The following PTPRM variants were observed in gnomAD, a reference collection of about 807,000 sequenced individuals.
The protein encoded by PTPRM is receptor-type tyrosine-protein phosphatase mu.
Under a neutral mutation model 186.7 loss-of-function variants are expected in PTPRM, and 47 were observed. The observed-to-expected ratio is 0.25, with a 90% CI of 0.20 to 0.32. The LOEUF (loss-of-function observed/expected upper bound fraction) is 0.32. PTPRM is among the 10% of genes least tolerant of loss of function. The pLI is 1.00. For missense variants in PTPRM, 1,494 were observed against 1,865.0 expected, an observed-to-expected ratio of 0.80 and a Z score of 3.66; for synonymous variants, 668 against 674.9, an observed-to-expected ratio of 0.99 and a Z score of 0.16.
At chr18:7,933,301 A>T (rs77197567) in intron 5 of PTPRM, among the ~76,000 whole-genome samples, 493 of 152,178 alleles carry the variant, frequency 3.2e-3, no homozygotes, top group African/African-American at 0.011. Context: ...AAAAAATTGT[A>T]TGCACTGCTT....
intron 19 of PTPRM, among the ~76,000 whole-genome samples, chr18:8,267,556 A>G (rs1053023625): frequency 3.3e-5 from 5 of 152,184 alleles, no homozygotes; most frequent in African/African-American, 7.2e-5. Context: ...ACTTAATATT[A>G]TATCCCAAAT....
rs117245575 is a variant in PTPRM at position 8,320,815 on chromosome 18, T to A, written c.2956+1601T>A. ...CCACTGTCTTTCATCATCTATGACTTGAAGTTGGTAATGGCTCCTTCCAAG... is the reference window on the plus strand; with the variant it reads ...CCACTGTCTTTCATCATCTATGACTAGAAGTTGGTAATGGCTCCTTCCAAG... On this transcript the variant is annotated intron_variant, in intron 22 of 32. Coordinates refer to ENST00000580170, the MANE Select transcript of PTPRM (RefSeq NM_001105244.2). Among the ~76,000 whole-genome samples, 262 of 152,304 alleles carry A rather than the reference T, an allele frequency of 1.7e-3. 1 individual carries two copies. Among genetic ancestry groups the A allele is most frequent in the Admixed American group, 2.7e-3 (42 of 15,304 alleles).
chr18:7,850,132 A>G (rs1201090487), intron 2 of PTPRM, among the ~76,000 whole-genome samples: 1 of 152,216 alleles, frequency 6.6e-6, no homozygotes, highest in Non-Finnish European at 1.5e-5. Flanking sequence ...TCATGTACCA[A>G]TATGTCAGTC....
intron 20 of PTPRM, among the ~76,000 whole-genome samples, chr18:8,305,727 G>A (rs1266318471): frequency 6.6e-6 from 1 of 152,150 alleles, no homozygotes; most frequent in African/African-American, 2.4e-5. Context: ...CATTTCTCCT[G>A]TTTCCTTTTT....
chr18:8,257,917 A>G (rs892939973), intron 19 of PTPRM, among the ~76,000 whole-genome samples: 1 of 152,230 alleles, frequency 6.6e-6, no homozygotes, highest in African/African-American at 2.4e-5. Context: ...AGCCGACAGA[A>G]GTATGTCCGA....
intron 7 of PTPRM, among the ~76,000 whole-genome samples, chr18:8,017,031 T>G (rs2084913687): frequency 6.6e-6 from 1 of 152,240 alleles, no homozygotes; most frequent in African/African-American, 2.4e-5. Context: ...ATACCGATTT[T>G]TTTTCTACAT....
At chr18:8,119,945 G>A (rs1011669235) in intron 13 of PTPRM, among the ~76,000 whole-genome samples, 2 of 151,956 alleles carry the variant, frequency 1.3e-5, no homozygotes, top group African/African-American at 4.8e-5. Context: ...CATTATAAAA[G>A]AGAATATCAC....
chr18:7,790,202 T>C (rs2043274484), intron 2 of PTPRM, among the ~76,000 whole-genome samples: 1 of 152,220 alleles, frequency 6.6e-6, no homozygotes, highest in Admixed American at 6.5e-5. Flanking sequence ...GAGTTCTTAC[T>C]TACTTTTGCA....
Position 7,848,301 on chromosome 18 carries a change from C to G in PTPRM, c.197-39805C>G, listed in dbSNP as rs115610264. 7.9e-3 allele frequency among the ~76,000 whole-genome samples: 1,196 copies of G among 152,258 alleles called. 7 individuals carry two copies. Among genetic ancestry groups the G allele is most frequent in the African/African-American group, 0.027 (1,141 of 41,544 alleles). ...GCCAGGCAGCTGTAAGAGATTTTGT[C>G]TTTCTGTAGTCAAATAAAACAGTAT... is the stretch of plus-strand genomic sequence containing the variant. On this transcript the variant is annotated intron_variant, in intron 2 of 32. Coordinates refer to ENST00000580170, the MANE Select transcript of PTPRM (RefSeq NM_001105244.2).
intron 19 of PTPRM, among the ~76,000 whole-genome samples, chr18:8,281,222 C>T (rs923031958): frequency 1.3e-5 from 2 of 152,218 alleles, no homozygotes; most frequent in Non-Finnish European, 2.9e-5. Flanking sequence ...CTCTCCCTTT[C>T]ATGTTTTAGT....
chr18:7,974,239 T>G (rs1198558208), intron 7 of PTPRM, among the ~76,000 whole-genome samples: 1 of 152,182 alleles, frequency 6.6e-6, no homozygotes, highest in Non-Finnish European at 1.5e-5. Context: ...GTCTAATATT[T>G]TTGAGCATCT....
intron 1 of PTPRM, among the ~76,000 whole-genome samples, chr18:7,654,396 A>T (rs1183511058): frequency 6.6e-6 from 1 of 152,106 alleles, no homozygotes; most frequent in Non-Finnish European, 1.5e-5. Context: ...AGCAGGATAT[A>T]AAAAACCCCA....
intron 1 of PTPRM, among the ~76,000 whole-genome samples, chr18:7,688,971 T>C (rs2039672451): frequency 6.6e-6 from 1 of 152,194 alleles, no homozygotes; most frequent in African/African-American, 2.4e-5. Context: ...AATAGCATAC[T>C]GATCTAGCTT....
At chr18:7,708,023 C>CTACTCAAAA (rs2040132871) in intron 1 of PTPRM, among the ~76,000 whole-genome samples, 2 of 152,186 alleles carry the variant, frequency 1.3e-5, no homozygotes, top group African/African-American at 4.8e-5. Context: ...GCAGAATATG[C>CTACTCAAAA]TACTCAAAAG....
intron 1 of PTPRM, among the ~76,000 whole-genome samples, chr18:7,750,271 G>A (rs906770345): frequency 6.6e-6 from 1 of 151,880 alleles, no homozygotes; most frequent in Non-Finnish European, 1.5e-5. Context: ...TGTTTCATTT[G>A]TTTTAAAAAA....
chr18:8,205,569 T>C (rs990498857), intron 14 of PTPRM, among the ~76,000 whole-genome samples: 9 of 152,218 alleles, frequency 5.9e-5, no homozygotes, highest in African/African-American at 9.6e-5. Flanking sequence ...AATCCACATA[T>C]AGTTATATTT....
chr18:7,993,742 G>T (rs1022305957), intron 7 of PTPRM, among the ~76,000 whole-genome samples: 2 of 152,010 alleles, frequency 1.3e-5, no homozygotes, highest in African/African-American at 4.8e-5. Context: ...ACCTACATCT[G>T]GAAGTGAAAG....
chr18:7,567,459 C>T lies in PTPRM; in HGVS notation c.-360C>T. Reference sequence around the variant, plus strand: ...GCCACGGCCACGGCCACCGCCACGGCCACGGCCGGCAGCTCGGGTCCCGGG... The same window carrying T: ...GCCACGGCCACGGCCACCGCCACGGTCACGGCCGGCAGCTCGGGTCCCGGG... On this transcript the variant is annotated 5_prime_UTR_variant, in exon 1 of 33. Coordinates refer to ENST00000580170, the MANE Select transcript of PTPRM (RefSeq NM_001105244.2). The surrounding 1 kb of genome is among the most constrained non-coding windows in gnomAD (Gnocchi z 4.3). 5.7e-6 allele frequency: 1 copy of T among 174,454 alleles called. No individual in the cohort carries two copies. Among genetic ancestry groups the T allele is most frequent in the Non-Finnish European group, 1.2e-5 (1 of 83,560 alleles). The allele number at this position is 174,454 out of a possible 1,614,324, so 10.8% of individuals were successfully genotyped here.
At chr18:7,722,563 A>G (rs1485197802) in intron 1 of PTPRM, among the ~76,000 whole-genome samples, 3 of 152,334 alleles carry the variant, frequency 2.0e-5, no homozygotes, top group East Asian at 3.9e-4. Context: ...AATTGGATAT[A>G]AAGAAAGCCT....
Sources: allele counts gnomAD v4.1 joint callset (sites outside exome capture counted in the v4.1 genomes callset), GRCh38; gene constraint gnomAD v4.1.1; non-coding constraint Gnocchi (gnomAD v3.1); transcripts MANE v1.5; gene names NCBI Gene and HGNC (gene_info 2026-07-23, HGNC 2026-07-21).